The following XKR6 variants were observed in gnomAD, a reference collection of about 807,000 sequenced individuals.
The protein encoded by XKR6 is XK related 6, also known as XK-related protein 6.
XKR6 carries 22 observed loss-of-function variants against 56.7 expected under a neutral mutation model. The observed-to-expected ratio is 0.39, with a 90% CI of 0.28 to 0.55. The LOEUF is 0.55. Among genes scored for constraint, XKR6 ranks in the 20% least tolerant of loss-of-function variants. The pLI is 0.66. For missense variants in XKR6, 852 were observed against 889.0 expected (o/e 0.96, Z 0.53); for synonymous variants, 524 against 387.8 (o/e 1.35, Z -4.13).
chr8:10,969,635 G>T (rs1183643674), intron 1 of XKR6, among the ~76,000 whole-genome samples: 2 of 152,190 alleles, frequency 1.3e-5, no homozygotes, highest in Non-Finnish European at 1.5e-5. Context: ...ATCCTGAAAG[G>T]CCAGAGGAAC....
At chr8:11,140,973 A>C (rs1394771562) in intron 1 of XKR6, among the ~76,000 whole-genome samples, 2 of 152,008 alleles carry the variant, frequency 1.3e-5, no homozygotes, top group Non-Finnish European at 2.9e-5. Flanking sequence ...CACTCCAAAG[A>C]CATATATGAA....
At chr8:10,925,079 C>T (rs1056750990) in intron 1 of XKR6, among the ~76,000 whole-genome samples, 3 of 152,170 alleles carry the variant, frequency 2.0e-5, no homozygotes, top group African/African-American at 7.2e-5. Flanking sequence ...GGTCTTCCTC[C>T]TCCTGGTCTC....
intron 1 of XKR6, among the ~76,000 whole-genome samples, chr8:11,120,277 T>C (rs6988324): frequency 0.99 from 150,496 of 152,288 alleles, 74,370 homozygotes; most frequent in East Asian, 1. Flanking sequence ...GATTGTATAT[T>C]TAGAAAACCC....
intron 1 of XKR6, among the ~76,000 whole-genome samples, chr8:11,059,656 GGGCGCGGGGCGGGACA>G (rs1799780637): frequency 7.6e-6 from 1 of 131,034 alleles, no homozygotes; most frequent in African/African-American, 4.3e-5. Flanking sequence ...CAGGTGCGGG[GGGCGCGGGGCGGGACA>G]GGTGCGGCGG....
At chr8:11,127,500 G>C (rs902676168) in intron 1 of XKR6, among the ~76,000 whole-genome samples, 3 of 152,144 alleles carry the variant, frequency 2.0e-5, no homozygotes, top group African/African-American at 7.2e-5. Flanking sequence ...TTCTTCTGGA[G>C]ACTCTAGAGA....
rs985851452 is a variant in XKR6 at position 11,106,858 on chromosome 8, A to AT, written c.764+93717_764+93718insA. Among the ~76,000 whole-genome samples, 29 of 148,774 alleles carry AT rather than the reference A, an allele frequency of 1.9e-4. 2 individuals carry two copies. Among genetic ancestry groups the AT allele is most frequent in the Admixed American group, 1.9e-3 (28 of 15,062 alleles). ...AGAGTGAGACTTCATCTCAAAAAAA[A>AT]AAAAAAATAAAAAAGATACAACGTT... On this transcript the variant is annotated intron_variant, in intron 1 of 2. Coordinates refer to ENST00000416569, the MANE Select transcript of XKR6 (RefSeq NM_173683.4).
chr8:11,164,951 G>A (rs1244348419), intron 1 of XKR6, among the ~76,000 whole-genome samples: 1 of 152,094 alleles, frequency 6.6e-6, no homozygotes, highest in Non-Finnish European at 1.5e-5. Context: ...TTACTAATAG[G>A]AGGTTTAAAG....
At chr8:11,182,664 T>C (rs757469095) in intron 1 of XKR6, among the ~76,000 whole-genome samples, 47 of 152,212 alleles carry the variant, frequency 3.1e-4, no homozygotes, top group Non-Finnish European at 5.4e-4. Flanking sequence ...CAAGTTGTAG[T>C]AGAGCTAGCA....
At chr8:11,016,850 G>T (rs569867291) in intron 1 of XKR6, among the ~76,000 whole-genome samples, 14 of 152,198 alleles carry the variant, frequency 9.2e-5, no homozygotes, top group Admixed American at 2.6e-4. Flanking sequence ...TGTTTTTCCA[G>T]TTCCCTCCTC....
intron 1 of XKR6, among the ~76,000 whole-genome samples, chr8:11,067,639 C>A (rs941037952): frequency 6.6e-5 from 10 of 152,234 alleles, no homozygotes. Flanking sequence ...TTCCTGTTAC[C>A]AGCTGAGGGG....
At chr8:11,152,484 G>A (rs1260909541) in intron 1 of XKR6, among the ~76,000 whole-genome samples, 1 of 152,200 alleles carries the variant, frequency 6.6e-6, no homozygotes, top group African/African-American at 2.4e-5. Flanking sequence ...AAGGAAAGAA[G>A]AAGGGAGAAA....
intron 1 of XKR6, among the ~76,000 whole-genome samples, chr8:11,153,587 A>G (rs952952392): frequency 1.3e-5 from 2 of 152,240 alleles, no homozygotes; most frequent in Non-Finnish European, 2.9e-5. Context: ...TCTGAAATAC[A>G]AGGAATAATT....
At chr8:10,972,655 G>C (rs1378729938) in intron 1 of XKR6, among the ~76,000 whole-genome samples, 1 of 152,224 alleles carries the variant, frequency 6.6e-6, no homozygotes, top group Non-Finnish European at 1.5e-5. Context: ...GAGCTATTCA[G>C]AGGAGTCACA....
At chr8:11,091,162 G>A (rs1476976021) in intron 1 of XKR6, among the ~76,000 whole-genome samples, 1 of 152,180 alleles carries the variant, frequency 6.6e-6, no homozygotes, top group Non-Finnish European at 1.5e-5. Flanking sequence ...CTGGAGTGGT[G>A]GTTCATACCT....
At chr8:11,078,075 T>C (rs888712946) in intron 1 of XKR6, among the ~76,000 whole-genome samples, 1 of 152,148 alleles carries the variant, frequency 6.6e-6, no homozygotes, top group Admixed American at 6.5e-5. Flanking sequence ...GTTAAAGCCC[T>C]CTGGGAAAAC....
chr8:11,036,584 A>T (rs1002242555), intron 1 of XKR6, among the ~76,000 whole-genome samples: 1 of 152,218 alleles, frequency 6.6e-6, no homozygotes, highest in East Asian at 1.9e-4. Context: ...AGGTGGCTGC[A>T]CAGTAAATTT....
At chr8:11,148,936 T>C (rs1801130086) in intron 1 of XKR6, among the ~76,000 whole-genome samples, 2 of 152,332 alleles carry the variant, frequency 1.3e-5, no homozygotes, top group African/African-American at 4.8e-5. Flanking sequence ...AGTGTGTAAT[T>C]CCATCAACGT....
chr8:10,938,750 C>T (rs1801303077), intron 1 of XKR6, among the ~76,000 whole-genome samples: 2 of 152,078 alleles, frequency 1.3e-5, no homozygotes, highest in African/African-American at 4.8e-5. Flanking sequence ...GTGGAACTGT[C>T]CTGTGAGCTG....
intron 1 of XKR6, among the ~76,000 whole-genome samples, chr8:11,143,900 T>C (rs1800840307): frequency 6.6e-6 from 1 of 152,220 alleles, no homozygotes; most frequent in Non-Finnish European, 1.5e-5. Context: ...GATCTAGGTC[T>C]CAAATGGGTT....
Sources: gnomAD v4.1 joint callset for allele counts (sites outside exome capture counted in the v4.1 genomes callset) on GRCh38, gnomAD v4.1.1 for gene constraint, MANE v1.5 for transcripts, NCBI Gene and HGNC (gene_info 2026-07-23, HGNC 2026-07-21) for gene names.